WDR31: variants seen among roughly 807,000 people sequenced by gnomAD.
WDR31 encodes the protein WD repeat-containing protein 31.
Under a neutral mutation model 47.3 loss-of-function variants are expected in WDR31, and 30 were observed. The observed-to-expected ratio is 0.63, with a 90% CI of 0.47 to 0.86. WDR31 has a LOEUF of 0.86. WDR31 is among the 40% of genes least tolerant of loss of function. The pLI is 0.00. For missense variants in WDR31, 406 were observed against 442.9 expected, an observed-to-expected ratio of 0.92 and a Z score of 0.75; for synonymous variants, 137 against 159.4, an observed-to-expected ratio of 0.86 and a Z score of 1.06.
intron 9 of WDR31, among the ~76,000 whole-genome samples, chr9:113,318,946 C>T (rs1462862394): frequency 6.6e-6 from 1 of 152,216 alleles, no homozygotes; most frequent in African/African-American, 2.4e-5. Flanking sequence ...TGATGGTGTT[C>T]CATCATGGGG....
At chr9:113,338,050 C>A (rs975041897) in intron 1 of WDR31, among the ~76,000 whole-genome samples, 1 of 152,172 alleles carries the variant, frequency 6.6e-6, no homozygotes, top group Non-Finnish European at 1.5e-5. Flanking sequence ...TATACTGCAT[C>A]TCTACAAAAG....
chr9:113,316,999 AT>A, intron 10 of WDR31, 90 bp from the exon 11 acceptor site: 1 of 1,457,684 alleles, frequency 6.9e-7, no homozygotes, highest in Non-Finnish European at 9.3e-7. Flanking sequence ...GAAATAAAGC[AT>A]TTGCTGTACA....
chr9:113,318,658 C>A, intron 9 of WDR31, 21 bp from the exon 10 acceptor site: 3 of 1,613,268 alleles, frequency 1.9e-6, no homozygotes, highest in Non-Finnish European at 2.5e-6. Flanking sequence ...ATGACATGGA[C>A]CAGCTCATAG....
intron 3 of WDR31, 150 bp downstream of exon 3, chr9:113,331,757 C>T (rs1169361374): frequency 3.2e-5 from 22 of 694,170 alleles, no homozygotes; most frequent in Non-Finnish European, 4.5e-5. Context: ...CTGACTGTTT[C>T]TTATCCAAAA....
At chr9:113,318,358 TG>T in intron 10 of WDR31, 116 bp downstream of exon 10, 1 of 1,194,542 alleles carries the variant, frequency 8.4e-7, no homozygotes, top group Non-Finnish European at 1.2e-6. Flanking sequence ...AGCATGAGAC[TG>T]GACAGTGGCA....
Position 113,332,657 on chromosome 9 carries a change from G to T in WDR31, c.-28-607C>A, listed in dbSNP as rs113855425. On this transcript the variant is annotated intron_variant, in intron 2 of 10. Transcript: ENST00000374193. ...AGAGCTGGAATAAGGAAGAGACTGGGGAGTGACTACTTAATAGATACAGAT... is the reference window on the plus strand; with the variant it reads ...AGAGCTGGAATAAGGAAGAGACTGGTGAGTGACTACTTAATAGATACAGAT... Among the ~76,000 whole-genome samples the T allele has an allele frequency of 3.5e-3, 535 of 152,230 alleles. 4 individuals are homozygous for T. The highest frequency in any genetic ancestry group is 0.012 in the African/African-American group (503 of 41,538).
chr9:113,318,652 C>T lies in WDR31; in HGVS notation c.781-15G>A. The T allele has an allele frequency of 6.2e-7, 1 of 1,613,752 alleles. No individual in the cohort carries two copies. The highest frequency in any genetic ancestry group is 1.3e-5 in the African/African-American group (1 of 75,040). ...AGGTCCCACAACTGCAAAGTAATGA[C>T]ATGGACCAGCTCATAGTCACTTGTC... On this transcript the variant is annotated splice_polypyrimidine_tract_variant and intron_variant, in intron 9 of 10. Transcript: ENST00000374193.
chr9:113,330,462 G>T (rs1180906298), intron 4 of WDR31, among the ~76,000 whole-genome samples: 2 of 152,188 alleles, frequency 1.3e-5, no homozygotes, highest in Non-Finnish European at 2.9e-5. Context: ...TCCCAGCTGT[G>T]AGGGCTATGA....
At position 113,327,611 on chromosome 9, in the gene WDR31, G is replaced by C. The variant is rs148206106; in HGVS notation, c.324+1270C>G. Among the ~76,000 whole-genome samples the C allele has an allele frequency of 8.5e-5, 13 of 152,268 alleles. No homozygotes were observed. In the East Asian group the frequency reaches 2.3e-3, roughly 27 times the overall value. ...GAATATTGATGGCTGATTATGTCTT[G>C]TCTAAATAGCTGAGACTACAGGTGT... On this transcript the variant is annotated intron_variant, in intron 5 of 10. Transcript: ENST00000374193.
chr9:113,326,716 C>T (rs1833478318), intron 5 of WDR31, among the ~76,000 whole-genome samples: 1 of 152,136 alleles, frequency 6.6e-6, no homozygotes. Context: ...TCAAGCAATC[C>T]TCCTACCTCA....
intron 10 of WDR31, 148 bp downstream of exon 10, chr9:113,318,327 G>T: frequency 1.2e-6 from 1 of 840,078 alleles, no homozygotes; most frequent in Non-Finnish European, 1.9e-6. Context: ...ACAGGGGATA[G>T]CATCTTGACA....
Position 113,323,080 on chromosome 9 carries a change from C to T in WDR31, c.400G>A (p.Gly134Ser), listed in dbSNP as rs773666950. 24 of 1,614,030 alleles carry T rather than the reference C, an allele frequency of 1.5e-5. No individual in the cohort carries two copies. In the East Asian group the frequency reaches 2.7e-4, roughly 18 times the overall value. The change falls in exon 6 of 11, where the codon GGT (glycine) becomes AGT (serine). Residue 134 changes from glycine to serine, a missense_variant. By Grantham distance (56) the Gly-to-Ser change is moderately conservative (BLOSUM62 0). Transcript: ENST00000374193. ...AATTGCTGCCTTGGTTGTGAGGAAC[C>T]GTGCAAGTCCCACATCATGACCATC... The part of the protein sequence containing the change: ...DRMVMMWDLH[G>S]SSQPRQQLCG...
At chr9:113,322,224 CA>C (rs1833339619) in intron 7 of WDR31, among the ~76,000 whole-genome samples, 1 of 151,664 alleles carries the variant, frequency 6.6e-6, no homozygotes, top group African/African-American at 2.4e-5. Flanking sequence ...GAATTCTCCC[CA>C]TTTTATAAAT....
At chr9:113,338,391 GT>G (rs1327531028) in intron 1 of WDR31, among the ~76,000 whole-genome samples, 1 of 152,122 alleles carries the variant, frequency 6.6e-6, no homozygotes, top group African/African-American at 2.4e-5. Flanking sequence ...TTATATCTAC[GT>G]TGTTGTAATT....
rs1244316933 is a variant in WDR31 at position 113,314,980 on chromosome 9, G to A, written c.*1769C>T. On this transcript the variant is annotated 3_prime_UTR_variant, in exon 11 of 11. Coordinates refer to ENST00000374193, the MANE Select transcript of WDR31 (RefSeq NM_001012361.4). ...CAGCCCTGTGGCGAGGTATGATCAT[G>A]AAACCCACGTTATAAAGTGAAGAGG... 2 of 152,182 alleles carry A rather than the reference G, an allele frequency of 1.3e-5. No homozygotes were observed. Among genetic ancestry groups the A allele is most frequent in the South Asian group, 2.1e-4 (1 of 4,836 alleles). The allele number at this position is 152,182 out of a possible 1,614,324, so 9.4% of individuals were successfully genotyped here.
chr9:113,321,505 G>C lies in WDR31; in HGVS notation c.638+6C>G. The C allele has an allele frequency of 6.2e-7, 1 of 1,613,994 alleles. No individual in the cohort carries two copies. The highest frequency in any genetic ancestry group is 8.5e-7 in the Non-Finnish European group (1 of 1,179,922). On this transcript the variant is annotated splice_donor_region_variant and intron_variant, in intron 8 of 10. Coordinates refer to ENST00000374193, the MANE Select transcript of WDR31 (RefSeq NM_001012361.4). The stretch of plus-strand genomic sequence containing the variant: ...AAACACTTTCACAGCTGCTCAGTAA[G>C]CCCACCTGAGGGTTTTATCTTCAGA...
At chr9:113,338,837 C>T (rs1306153552) in intron 1 of WDR31, among the ~76,000 whole-genome samples, 6 of 152,126 alleles carry the variant, frequency 3.9e-5, no homozygotes, top group African/African-American at 1.2e-4. Flanking sequence ...AGGCTGGTCT[C>T]GAACTCCCGA....
rs1299109114 is a variant in WDR31, at chr9:113,313,766, C to A, written c.*2983G>T. 6.6e-6 allele frequency: 1 copy of A among 152,138 alleles called. No individual in the cohort carries two copies. The highest frequency in any genetic ancestry group is 6.5e-5 in the Admixed American group (1 of 15,270). 9.4% of individuals were successfully genotyped at this position (152,138 alleles called of 1,614,324 possible). On this transcript the variant is annotated 3_prime_UTR_variant, in exon 11 of 11. Transcript: ENST00000374193. ...TAGCCCTCTGTAGATGCTCAGTGAC[C>A]GGGCTTCCTCTCCCACTATCTCTTT...
chr9:113,324,220 C>T (rs7029469), intron 5 of WDR31, among the ~76,000 whole-genome samples: 42,836 of 151,826 alleles, frequency 0.28, 6,628 homozygotes, highest in Non-Finnish European at 0.35. Flanking sequence ...CCTCTCCCCG[C>T]AGCCGCTGGC....
Sources: gnomAD v4.1 joint callset for allele counts (sites outside exome capture counted in the v4.1 genomes callset) on GRCh38, gnomAD v4.1.1 for gene constraint, MANE v1.5 for transcripts, NCBI Gene and HGNC (gene_info 2026-07-23, HGNC 2026-07-21) for gene names.